Variants in ATP11C observed in about 807,000 individuals in gnomAD.
The protein encoded by ATP11C is ATPase phospholipid transporting 11C (ATP11C blood group).
A neutral mutation model predicts 97.4 loss-of-function variants in ATP11C; 36 were observed. The observed-to-expected ratio is 0.37, with a 90% CI of 0.28 to 0.49. The LOEUF (loss-of-function observed/expected upper bound fraction) is 0.49, where lower values mean the gene tolerates loss of function less well. ATP11C is among the 20% of genes least tolerant of loss of function. ATP11C has a pLI of 0.98. For synonymous variants in ATP11C, 275 were observed against 290.9 expected (o/e 0.95, Z 0.56); for missense variants, 730 against 824.6 (o/e 0.89, Z 1.40).
At chrX:139,809,581 T>C (rs1569466142) in intron 5 of ATP11C, among the ~76,000 whole-genome samples, 1 of 112,136 alleles carries the variant, frequency 8.9e-6, no homozygotes, top group African/African-American at 3.2e-5. Flanking sequence ...AATGGAAAAG[T>C]TCTGGAAATG....
chrX:139,804,690 T>G, intron 5 of ATP11C, 91 bp from the exon 6 acceptor site: 1 of 718,745 alleles, frequency 1.4e-6, no homozygotes, highest in Non-Finnish European at 2.0e-6. Flanking sequence ...CAAGAGATTA[T>G]CTCTAGCTCT....
chrX:139,761,870 T>C (rs1367771778), intron 22 of ATP11C, 91 bp downstream of exon 22: 7 of 641,942 alleles, frequency 1.1e-5, no homozygotes, highest in Non-Finnish European at 1.5e-5. Context: ...AAAAGCAGCA[T>C]TAAAAAAAAA....
chrX:139,859,528 ATG>A (rs1393344476), intron 1 of ATP11C, among the ~76,000 whole-genome samples: 1 of 112,107 alleles, frequency 8.9e-6, no homozygotes, highest in Admixed American at 9.5e-5. Context: ...AGATTTACCC[ATG>A]TGTTATGTCA....
chrX:139,859,826 G>C (rs1394428815), intron 1 of ATP11C, among the ~76,000 whole-genome samples: 1 of 82,487 alleles, frequency 1.2e-5, no homozygotes, highest in African/African-American at 1.0e-4. Context: ...GCTTGGCTGG[G>C]CGCGGTGGCT....
In ATP11C at chrX:139,798,299, T is replaced by A. The variant is rs754984413; in HGVS notation, c.831A>T (p.Lys277Asn). 192 of 1,206,112 alleles carry A rather than the reference T, an allele frequency of 1.6e-4. No individual in the cohort carries two copies. Among genetic ancestry groups the A allele is most frequent in the Non-Finnish European group, 2.0e-4 (178 of 893,878 alleles). Residue 277 changes from lysine (K) to asparagine (N), a missense_variant, in exon 10 of 30, where the codon AAA becomes AAT. Coordinates refer to ENST00000682941, the MANE Select transcript of ATP11C (RefSeq NM_001353812.2). ...ETKMALNYQG[K>N]SQKRSAVEKS... ...TTTCAACAGCAGAACGTTTCTGAGA[T>A]TTCCCTTGGTAGTTCAAAGCCATTT...
Position 139,902,770 on chromosome X carries a change from G to A in ATP11C, c.27+29246C>T, listed in dbSNP as rs1172961781. On this transcript the variant is annotated intron_variant, in intron 1 of 29. Transcript: ENST00000682941. Reference sequence around the variant, plus strand: ...CCCTGTCTGAGTAGACTGAGGAGGAGGTACTTGCCAGACTTGTACTGCTGC... The same window carrying A: ...CCCTGTCTGAGTAGACTGAGGAGGAAGTACTTGCCAGACTTGTACTGCTGC... 6.3e-5 allele frequency among the ~76,000 whole-genome samples: 7 copies of A among 111,538 alleles called. No homozygotes were observed. The Admixed American group carries it at 6.7e-4, about 11-fold the overall frequency.
At chrX:139,874,298 A>G (rs182602759) in intron 1 of ATP11C, among the ~76,000 whole-genome samples, 2 of 102,726 alleles carry the variant, frequency 1.9e-5, no homozygotes, top group African/African-American at 7.3e-5. Context: ...GACCTCAGGT[A>G]ATCCACCCAC....
At chrX:139,934,658 T>A (rs1169975315), upstream of ATP11C, among the ~76,000 whole-genome samples, 7 of 106,864 alleles carry the variant, frequency 6.6e-5, no homozygotes, top group Non-Finnish European at 1.3e-4. Flanking sequence ...GTTCAAGTGA[T>A]TCTCGTGCCT....
At chrX:139,780,361 C>T (rs759228064) in intron 18 of ATP11C, among the ~76,000 whole-genome samples, 1 of 111,341 alleles carries the variant, frequency 9.0e-6, no homozygotes, top group Non-Finnish European at 1.9e-5. Context: ...CATGATCAAA[C>T]GGGTTTTATT....
intron 1 of ATP11C, among the ~76,000 whole-genome samples, chrX:139,931,530 G>C (rs2085433515): frequency 8.9e-6 from 1 of 112,552 alleles, no homozygotes. Flanking sequence ...CTGAGCCCTA[G>C]GCAAGGCTGA....
intron 2 of ATP11C, among the ~76,000 whole-genome samples, chrX:139,819,735 C>A (rs1428293980): frequency 8.9e-6 from 1 of 112,403 alleles, no homozygotes; most frequent in African/African-American, 3.2e-5. Context: ...TATATACTTA[C>A]TTGATAACAC....
rs746489577 is a variant in ATP11C, at chrX:139,849,616, G to A, written c.28-22793C>T. Reference sequence around the variant, plus strand: ...TCTTCACTCTTTCAGCCCTCTCTCTGTAGGCTGGTCCATAGACCCACACTC... The same window carrying A: ...TCTTCACTCTTTCAGCCCTCTCTCTATAGGCTGGTCCATAGACCCACACTC... On this transcript the variant is annotated intron_variant, in intron 1 of 29. Coordinates refer to ENST00000682941, the MANE Select transcript of ATP11C (RefSeq NM_001353812.2). Among the ~76,000 whole-genome samples the A allele has an allele frequency of 1.0e-3, 113 of 111,932 alleles. 2 individuals are homozygous for A. Among genetic ancestry groups the A allele is most frequent in the Middle Eastern group, 4.2e-3 (1 of 239 alleles).
At chrX:139,867,253 G>A (rs1490747308) in intron 1 of ATP11C, among the ~76,000 whole-genome samples, 1 of 111,328 alleles carries the variant, frequency 9.0e-6, no homozygotes, top group Non-Finnish European at 1.9e-5. Context: ...TTACATTCTA[G>A]TGGGAGGAGA....
intron 5 of ATP11C, 91 bp from the exon 6 acceptor site, chrX:139,804,690 T>C (rs1201172078): frequency 2.0e-5 from 14 of 717,264 alleles, no homozygotes; most frequent in Non-Finnish European, 2.8e-5. Context: ...CAAGAGATTA[T>C]CTCTAGCTCT....
In ATP11C at chrX:139,749,290, A is replaced by C. The variant is rs778840814; in HGVS notation, c.2828+735T>G. On this transcript the variant is annotated intron_variant, in intron 24 of 29. Coordinates refer to ENST00000682941, the MANE Select transcript of ATP11C (RefSeq NM_001353812.2). ...AAATTTTATGAGTCATGCTGGTTAA[A>C]AAAAATCCCTTAAATTTGTGTATCT... 2.7e-5 allele frequency among the ~76,000 whole-genome samples: 3 copies of C among 112,475 alleles called. No homozygotes were observed. In the South Asian group the frequency reaches 1.1e-3, roughly 42 times the overall value.
At chrX:139,729,161 A>C (rs761573365) in intron 29 of ATP11C, among the ~76,000 whole-genome samples, 199 bp from the exon 30 acceptor site, 1 of 111,836 alleles carries the variant, frequency 8.9e-6, no homozygotes, top group South Asian at 3.7e-4. Context: ...TTCATTTGTC[A>C]GCTGAATAGA....
intron 1 of ATP11C, among the ~76,000 whole-genome samples, chrX:139,923,515 G>T (rs144133446): frequency 2.7e-5 from 3 of 111,990 alleles, no homozygotes; most frequent in Non-Finnish European, 5.6e-5. Flanking sequence ...CCAAATAGGG[G>T]ATGAGTGTTC....
At chrX:139,745,594 A>G (rs2081664201) in intron 25 of ATP11C, 128 bp downstream of exon 25, 1 of 655,284 alleles carries the variant, frequency 1.5e-6, no homozygotes, top group Non-Finnish European at 2.2e-6. Context: ...AGAACTAACT[A>G]CTGTATCTTC....
chrX:139,927,362 G>A (rs999047138), intron 1 of ATP11C, among the ~76,000 whole-genome samples: 4 of 111,924 alleles, frequency 3.6e-5, no homozygotes, highest in African/African-American at 9.7e-5. Context: ...AGCACTTTGG[G>A]AGGCCGAGGT....
Sources: gnomAD v4.1 joint callset for allele counts (sites outside exome capture counted in the v4.1 genomes callset) on GRCh38, gnomAD v4.1.1 for gene constraint, MANE v1.5 for transcripts, NCBI Gene and HGNC (gene_info 2026-07-23, HGNC 2026-07-21) for gene names.